IFT80: variants seen among roughly 807,000 people sequenced by gnomAD.
IFT80 encodes intraflagellar transport 80, also known as intraflagellar transport protein 80 homolog.
IFT80 carries 79 observed loss-of-function variants against 107.9 expected under a neutral mutation model. That is an observed-to-expected ratio of 0.73 (90% CI 0.61 to 0.88). The LOEUF is 0.88. IFT80 is among the 40% of genes least tolerant of loss of function. IFT80 has a pLI of 0.00. For missense variants in IFT80, 797 were observed against 914.2 expected (o/e 0.87, Z 1.65); for synonymous variants, 299 against 300.9 (o/e 0.99, Z 0.07).
chr3:160,378,457 C>T (rs1420774446), intron 3 of IFT80, among the ~76,000 whole-genome samples: 1 of 151,680 alleles, frequency 6.6e-6, no homozygotes, highest in Non-Finnish European at 1.5e-5. Context: ...GCAAATACAC[C>T]CCATTGGAAT....
chr3:160,279,235 A>G lies in IFT80; in HGVS notation c.1794T>C (p.Ser598=), dbSNP rs747788766. The G allele has an allele frequency of 1.9e-6, 3 of 1,613,752 alleles. No individual in the cohort carries two copies. The highest frequency in any genetic ancestry group is 2.2e-5 in the South Asian group (2 of 91,056). ...GTCTCACAGCATCTTCCCATTTTGAACTGCTTACATATTCATGGAGAATAG... is the reference window on the plus strand; with the variant it reads ...GTCTCACAGCATCTTCCCATTTTGAGCTGCTTACATATTCATGGAGAATAG... ...YPAILHEYVS[S]SKWEDAVRLC... The change falls in exon 16 of 20, where the codon AGT becomes AGC. Residue 598 remains serine, a synonymous_variant. Transcript: ENST00000326448.
rs1222341115 is a variant in IFT80, at chr3:160,365,212, AGGACAGG to A, written c.549+824_549+830del. Among the ~76,000 whole-genome samples the A allele has an allele frequency of 2.0e-5, 3 of 152,050 alleles. 1 individual carries two copies. Among genetic ancestry groups the A allele is most frequent in the Non-Finnish European group, 4.4e-5 (3 of 67,982 alleles). On this transcript the variant is annotated intron_variant, in intron 6 of 19. Transcript: ENST00000326448. ...CCAAATTCTTTACCTTAGGTGCCTA[AGGACAGG>A]GGCTTGTATGTTCTATTCTTGCATG...
Position 160,344,959 on chromosome 3 carries a change from T to C in IFT80, c.777+11054A>G, listed in dbSNP as rs536996690. On this transcript the variant is annotated intron_variant, in intron 8 of 19. Coordinates refer to ENST00000326448, the MANE Select transcript of IFT80 (RefSeq NM_020800.3). Reference sequence around the variant, plus strand: ...GCAATAACAAATGCTGGTGAGGATGTGGAGGGAAGGGAACACTCATATACC... The same window carrying C: ...GCAATAACAAATGCTGGTGAGGATGCGGAGGGAAGGGAACACTCATATACC... 1.5e-4 allele frequency among the ~76,000 whole-genome samples: 23 copies of C among 152,208 alleles called. 1 individual carries two copies. The highest frequency in any genetic ancestry group is 5.5e-4 in the African/African-American group (23 of 41,526).
chr3:160,287,995 G>A (rs1348647922), intron 12 of IFT80, among the ~76,000 whole-genome samples: 4 of 152,150 alleles, frequency 2.6e-5, no homozygotes, highest in African/African-American at 9.7e-5. Context: ...ACAGACAGAG[G>A]GAAGTGTCTA....
At chr3:160,307,632 T>C in intron 10 of IFT80, 31 bp downstream of exon 10, 1 of 1,162,302 alleles carries the variant, frequency 8.6e-7, no homozygotes, top group Non-Finnish European at 1.3e-6. Context: ...CAGACAAAAC[T>C]CTGAAATTTT....
intron 8 of IFT80, among the ~76,000 whole-genome samples, chr3:160,331,506 C>T (rs1162401372): frequency 6.6e-6 from 1 of 152,178 alleles, no homozygotes. Context: ...AAGACAAAGA[C>T]TTTTAAAACC....
At position 160,258,395 on chromosome 3, in the gene IFT80, C is replaced by A. The variant is rs769437271; in HGVS notation, c.*130G>T. 4 of 1,107,536 alleles carry A rather than the reference C, an allele frequency of 3.6e-6. No individual in the cohort carries two copies. In the Admixed American group the frequency reaches 6.4e-5, roughly 18 times the overall value. 68.6% of individuals were successfully genotyped at this position (1,107,536 alleles called of 1,614,324 possible). A position where few individuals can be genotyped will look rare whatever the true frequency, so the allele number is the denominator to read the frequency against. ...TCATCTTTCTGCATGTACTTTTACA[C>A]TAAATACACAGCAAGTACTTATACT... On this transcript the variant is annotated 3_prime_UTR_variant, in exon 20 of 20. Coordinates refer to ENST00000326448, the MANE Select transcript of IFT80 (RefSeq NM_020800.3).
At chr3:160,302,351 C>T (rs1198111887) in intron 11 of IFT80, among the ~76,000 whole-genome samples, 2 of 151,886 alleles carry the variant, frequency 1.3e-5, no homozygotes, top group Non-Finnish European at 1.5e-5. Context: ...AGGGTTTGGC[C>T]CTTACATACT....
intron 6 of IFT80, among the ~76,000 whole-genome samples, chr3:160,358,211 C>T (rs921237695): frequency 6.6e-6 from 1 of 151,032 alleles, no homozygotes; most frequent in Admixed American, 6.6e-5. Context: ...ATAACTCTTG[C>T]TATATTGCCT....
chr3:160,278,812 C>T (rs969196437), intron 16 of IFT80, among the ~76,000 whole-genome samples: 14 of 152,062 alleles, frequency 9.2e-5, no homozygotes, highest in African/African-American at 3.4e-4. Flanking sequence ...AAAGGCTGAT[C>T]GAAAGCAGAG....
intron 7 of IFT80, 69 bp downstream of exon 7, chr3:160,357,420 T>C: frequency 1.2e-5 from 10 of 841,132 alleles, no homozygotes; most frequent in Non-Finnish European, 2.0e-5. Context: ...ACTAAAAGAA[T>C]ATTCTTATAT....
chr3:160,288,715 CAT>C (rs1715299377), intron 12 of IFT80, among the ~76,000 whole-genome samples: 1 of 152,112 alleles, frequency 6.6e-6, no homozygotes, highest in South Asian at 2.1e-4. Context: ...GGCCAACAAA[CAT>C]ATGAACAAAA....
chr3:160,326,701 AC>A (rs1245670424), intron 8 of IFT80, among the ~76,000 whole-genome samples: 1 of 152,192 alleles, frequency 6.6e-6, no homozygotes, highest in East Asian at 1.9e-4. Flanking sequence ...TGACAAACTT[AC>A]AGCCAGTATC....
At chr3:160,311,487 T>C (rs1421108998) in intron 9 of IFT80, among the ~76,000 whole-genome samples, 1 of 152,128 alleles carries the variant, frequency 6.6e-6, no homozygotes, top group Non-Finnish European at 1.5e-5. Context: ...TCAGACTGTT[T>C]AAAAAGAACT....
chr3:160,366,905 C>G (rs576239867), intron 5 of IFT80, among the ~76,000 whole-genome samples: 91 of 151,992 alleles, frequency 6.0e-4, no homozygotes, highest in Non-Finnish European at 9.0e-4. Context: ...CATTAACCAC[C>G]CCACCTCCCT....
chr3:160,328,006 G>T (rs940493838), intron 8 of IFT80, among the ~76,000 whole-genome samples: 5 of 151,752 alleles, frequency 3.3e-5, no homozygotes, highest in Non-Finnish European at 7.4e-5. Flanking sequence ...ACAAACAACC[G>T]CATTAAAAAG....
At chr3:160,263,434 G>A (rs555962533) in intron 19 of IFT80, among the ~76,000 whole-genome samples, 23 of 152,010 alleles carry the variant, frequency 1.5e-4, no homozygotes, top group East Asian at 3.9e-4. Context: ...CCTTCATTAC[G>A]AAGTCTATTC....
At chr3:160,297,565 T>TC in intron 12 of IFT80, among the ~76,000 whole-genome samples, 1 of 152,238 alleles carries the variant, frequency 6.6e-6, no homozygotes, top group Admixed American at 6.5e-5. Flanking sequence ...GTCACCGCTA[T>TC]ATTCACCAAG....
intron 14 of IFT80, among the ~76,000 whole-genome samples, chr3:160,281,962 T>C (rs1714723012): frequency 6.6e-6 from 1 of 152,200 alleles, no homozygotes; most frequent in Non-Finnish European, 1.5e-5. Context: ...GTTTACTTTA[T>C]TTCCTTTCTT....
Sources: allele counts gnomAD v4.1 joint callset (sites outside exome capture counted in the v4.1 genomes callset), GRCh38; gene constraint gnomAD v4.1.1; transcripts MANE v1.5; gene names NCBI Gene and HGNC (gene_info 2026-07-23, HGNC 2026-07-21).